KIF2A: variants seen among roughly 807,000 people sequenced by gnomAD.
KIF2A encodes the protein kinesin-like protein KIF2A.
In KIF2A, 22 loss-of-function variants were observed where a neutral mutation model predicts 100.2. That is an observed-to-expected ratio of 0.22 (90% CI 0.16 to 0.31). KIF2A has a LOEUF of 0.31. KIF2A is among the 10% of genes least tolerant of loss of function. The pLI, the probability that KIF2A is intolerant of heterozygous loss-of-function variation, is 1.00. For missense variants in KIF2A, 495 were observed against 898.7 expected (o/e 0.55, Z 5.74); for synonymous variants, 268 against 285.9 (o/e 0.94, Z 0.63).
At chr5:62,363,557 A>G in intron 13 of KIF2A, 138 bp from the exon 14 acceptor site, 1 of 764,330 alleles carries the variant, frequency 1.3e-6, no homozygotes, top group African/African-American at 1.7e-5. Flanking sequence ...GTTATAACTC[A>G]GTGTCTCATC....
intron 1 of KIF2A, among the ~76,000 whole-genome samples, chr5:62,344,258 C>A (rs1022865482): frequency 6.6e-6 from 1 of 151,602 alleles, no homozygotes; most frequent in Non-Finnish European, 1.5e-5. Context: ...GCAGGAAAAT[C>A]GCTTGAACCT....
Position 62,362,441 on chromosome 5 carries a change from T to C in KIF2A, c.1028-9T>C. ...GATCTCAATTTTCTGTATATGAAAT[T>C]TTTGACAGCTCGAGATGTCTTTTTA... On this transcript the variant is annotated splice_polypyrimidine_tract_variant and intron_variant, in intron 11 of 20. Coordinates refer to ENST00000407818, the MANE Select transcript of KIF2A (RefSeq NM_001098511.3). 7.3e-7 allele frequency: 1 copy of C among 1,370,432 alleles called. No homozygotes were observed. The highest frequency in any genetic ancestry group is 9.5e-7 in the Non-Finnish European group (1 of 1,049,586). 84.9% of individuals were successfully genotyped at this position (1,370,432 alleles called of 1,614,324 possible). A position where few individuals can be genotyped will look rare whatever the true frequency, so the allele number is the denominator to read the frequency against.
In KIF2A at chr5:62,309,065, AAGTATG is replaced by A. The variant is rs548719594; in HGVS notation, c.64+2535_64+2540del. 6.4e-3 allele frequency among the ~76,000 whole-genome samples: 978 copies of A among 152,242 alleles called. 6 individuals carry two copies. The highest frequency in any genetic ancestry group is 0.01 in the Non-Finnish European group (708 of 68,014). On this transcript the variant is annotated intron_variant, in intron 1 of 20. Transcript: ENST00000407818. The stretch of plus-strand genomic sequence containing the variant: ...AAATGTGTAAATTCTTTACACTCAT[AAGTATG>A]AGTATAGGTGTTAACTTTGAAATCG...
At chr5:62,320,554 G>T (rs1300836437) in intron 1 of KIF2A, among the ~76,000 whole-genome samples, 1 of 140,856 alleles carries the variant, frequency 7.1e-6, no homozygotes, top group African/African-American at 2.6e-5. Context: ...AGTTCAGGCT[G>T]TGACTATAGC....
At chr5:62,359,898 G>A (rs1307725594) in intron 9 of KIF2A, among the ~76,000 whole-genome samples, 10 of 151,642 alleles carry the variant, frequency 6.6e-5, no homozygotes, top group Non-Finnish European at 1.5e-4. Flanking sequence ...TGCTCCTTTT[G>A]TTCTGTACTT....
chr5:62,374,977 C>G (rs1741478326), intron 18 of KIF2A, among the ~76,000 whole-genome samples: 1 of 152,062 alleles, frequency 6.6e-6, no homozygotes. Context: ...ACATATGCAT[C>G]TATATTGAAA....
At chr5:62,344,077 GGCT>G (rs776568691) in intron 1 of KIF2A, among the ~76,000 whole-genome samples, 2 of 152,274 alleles carry the variant, frequency 1.3e-5, no homozygotes, top group South Asian at 4.1e-4. Flanking sequence ...TGGGCGCAGT[GGCT>G]CACGCCTGTA....
rs562133014 is a variant in KIF2A, at chr5:62,357,049, G to C, written c.655-642G>C. On this transcript the variant is annotated intron_variant, in intron 7 of 20. Coordinates refer to ENST00000407818, the MANE Select transcript of KIF2A (RefSeq NM_001098511.3). ...GATCCACCCACCTTAGCCTCCCAAA[G>C]TGCTGGGATTACCCACCATGCCTGG... Among the ~76,000 whole-genome samples, 4 of 151,020 alleles carry C rather than the reference G, an allele frequency of 2.6e-5. No individual in the cohort carries two copies. The East Asian group carries it at 7.8e-4, about 29-fold the overall frequency.
intron 1 of KIF2A, among the ~76,000 whole-genome samples, chr5:62,328,895 C>A (rs549334523): frequency 6.6e-6 from 1 of 152,244 alleles, no homozygotes; most frequent in South Asian, 2.1e-4. Flanking sequence ...GCACAACGGG[C>A]CCTTCTAAAT....
Position 62,388,965 on chromosome 5 carries a change from A to G in KIF2A, c.*3396A>G. The G allele has an allele frequency of 6.4e-7, 1 of 1,553,958 alleles. No homozygotes were observed. The highest frequency in any genetic ancestry group is 8.8e-7 in the Non-Finnish European group (1 of 1,133,784). On this transcript the variant is annotated 3_prime_UTR_variant, in exon 21 of 21. Coordinates refer to ENST00000407818, the MANE Select transcript of KIF2A (RefSeq NM_001098511.3). ...TCTTCTCAAATACAAAAAATACAAA[A>G]TTCATTTCTTTTCTTGACCTTGAAA...
chr5:62,354,158 T>C (rs1393886531), intron 6 of KIF2A, among the ~76,000 whole-genome samples: 1 of 152,130 alleles, frequency 6.6e-6, no homozygotes, highest in Non-Finnish European at 1.5e-5. Context: ...AATCAGCTTT[T>C]ATCTGAAAGT....
chr5:62,317,387 C>T (rs1237483953), intron 1 of KIF2A, among the ~76,000 whole-genome samples: 4 of 152,124 alleles, frequency 2.6e-5, no homozygotes, highest in Admixed American at 1.3e-4. Context: ...AATTAGGGGC[C>T]CTAATTAGTG....
Position 62,388,046 on chromosome 5 carries a change from T to A in KIF2A, c.*2477T>A, listed in dbSNP as rs191470412. 6.6e-6 allele frequency: 1 copy of A among 152,162 alleles called. No individual in the cohort carries two copies. Among genetic ancestry groups the A allele is most frequent in the Non-Finnish European group, 1.5e-5 (1 of 68,008 alleles). 9.4% of individuals were successfully genotyped at this position (152,162 alleles called of 1,614,324 possible). A position where few individuals can be genotyped will look rare whatever the true frequency, so the allele number is the denominator to read the frequency against. On this transcript the variant is annotated 3_prime_UTR_variant, in exon 21 of 21. Coordinates refer to ENST00000407818, the MANE Select transcript of KIF2A (RefSeq NM_001098511.3). ...TAACAGCACTTAGTATTATATTGAC[T>A]TAAACATAGTAGCTAATAAAACTAG...
chr5:62,352,790 A>G (rs969917833), intron 5 of KIF2A, 80 bp downstream of exon 5: 4 of 1,133,478 alleles, frequency 3.5e-6, no homozygotes, highest in Non-Finnish European at 3.7e-6. Context: ...AAGTCCTCAA[A>G]GAGTAAACAC....
intron 16 of KIF2A, 21 bp downstream of exon 16, chr5:62,366,502 T>G: frequency 6.9e-7 from 1 of 1,444,842 alleles, no homozygotes; most frequent in Non-Finnish European, 9.6e-7. Flanking sequence ...TAGTTCTCCA[T>G]TTTGAAATTT....
chr5:62,375,987 A>G (rs916620946), intron 18 of KIF2A, among the ~76,000 whole-genome samples: 1 of 152,230 alleles, frequency 6.6e-6, no homozygotes, highest in Non-Finnish European at 1.5e-5. Context: ...TATGTCCAGA[A>G]TTTTTAAGAG....
chr5:62,382,041 T>A (rs1307378826), intron 20 of KIF2A, among the ~76,000 whole-genome samples: 5 of 152,188 alleles, frequency 3.3e-5, no homozygotes, highest in Non-Finnish European at 7.3e-5. Flanking sequence ...ATTTGCACAC[T>A]GTTGGCTTTG....
Position 62,321,091 on chromosome 5 carries a change from C to T in KIF2A, c.64+14555C>T, listed in dbSNP as rs549049294. Among the ~76,000 whole-genome samples, 223 of 152,264 alleles carry T rather than the reference C, an allele frequency of 1.5e-3. 2 individuals are homozygous for T. Among genetic ancestry groups the T allele is most frequent in the African/African-American group, 5.3e-3 (219 of 41,558 alleles). On this transcript the variant is annotated intron_variant, in intron 1 of 20. Transcript: ENST00000407818. The stretch of plus-strand genomic sequence containing the variant: ...TAGCATAATCCATACTCAAGTTTAT[C>T]AGTATAGTAACATATTTCAGTACTT...
At chr5:62,354,885 G>T (rs1748023676) in intron 6 of KIF2A, among the ~76,000 whole-genome samples, 1 of 152,048 alleles carries the variant, frequency 6.6e-6, no homozygotes. Flanking sequence ...TTTGAAATAG[G>T]TGAAGGGTAA....
Sources: gnomAD v4.1 joint callset for allele counts (sites outside exome capture counted in the v4.1 genomes callset) on GRCh38, gnomAD v4.1.1 for gene constraint, MANE v1.5 for transcripts, NCBI Gene and HGNC (gene_info 2026-07-23, HGNC 2026-07-21) for gene names.